The following USP34 variants were observed in gnomAD, a reference collection of about 807,000 sequenced individuals.
USP34 encodes ubiquitin specific peptidase 34.
A neutral mutation model predicts 460.3 loss-of-function variants in USP34; 70 were observed. The ratio of observed to expected loss-of-function variants is 0.15; its 90% confidence interval spans 0.13 to 0.19. The LOEUF (loss-of-function observed/expected upper bound fraction) is 0.19, where lower values mean the gene tolerates loss of function less well. Ranked by LOEUF, USP34 falls within the 10% of genes least tolerant of loss-of-function variation. The probability of loss-of-function intolerance (pLI) is 1.00; values close to 1 mark genes in which losing one functional copy is unlikely to be tolerated. For missense variants in USP34, 3,985 were observed against 4,236.2 expected (o/e 0.94, Z 1.65); for synonymous variants, 1,647 against 1,405.3 (o/e 1.17, Z -3.85).
intron 10 of USP34, among the ~76,000 whole-genome samples, chr2:61,362,330 T>C: frequency 6.6e-6 from 1 of 152,116 alleles, no homozygotes; most frequent in East Asian, 1.9e-4. Flanking sequence ...GGAAATGAAA[T>C]CACTATCTCA....
At chr2:61,358,630 G>A (rs1222553199) in intron 10 of USP34, among the ~76,000 whole-genome samples, 1 of 152,060 alleles carries the variant, frequency 6.6e-6, no homozygotes, top group Non-Finnish European at 1.5e-5. Flanking sequence ...AGAGCTACTA[G>A]ACAAAAATAT....
At chr2:61,222,062 A>G (rs1482825374) in intron 65 of USP34, among the ~76,000 whole-genome samples, 1 of 152,196 alleles carries the variant, frequency 6.6e-6, no homozygotes, top group Non-Finnish European at 1.5e-5. Flanking sequence ...GATCTCTGGA[A>G]CTTATTCATG....
intron 16 of USP34, among the ~76,000 whole-genome samples, chr2:61,341,456 G>A (rs190079072): frequency 2.0e-3 from 306 of 152,260 alleles, no homozygotes; most frequent in Non-Finnish European, 2.9e-3. Context: ...AGTAGAAGGC[G>A]TTTGGGTCAA....
At chr2:61,460,236 A>G (rs1180405447) in intron 1 of USP34, among the ~76,000 whole-genome samples, 1 of 152,216 alleles carries the variant, frequency 6.6e-6, no homozygotes, top group Non-Finnish European at 1.5e-5. Context: ...AAATTCCAGA[A>G]ATAAACAATT....
chr2:61,297,720 T>C (rs1690071200), intron 29 of USP34, among the ~76,000 whole-genome samples: 1 of 152,156 alleles, frequency 6.6e-6, no homozygotes, highest in African/African-American at 2.4e-5. Context: ...GGCAGAAACA[T>C]GGTGCACTTT....
At chr2:61,288,143 T>C (rs937779616) in intron 34 of USP34, among the ~76,000 whole-genome samples, 4 of 152,214 alleles carry the variant, frequency 2.6e-5, no homozygotes, top group Admixed American at 2.0e-4. Flanking sequence ...GATAATCTTA[T>C]AGCAGATGAG....
intron 7 of USP34, among the ~76,000 whole-genome samples, chr2:61,379,598 G>C (rs538029626): frequency 7.9e-5 from 12 of 152,288 alleles, no homozygotes; most frequent in Non-Finnish European, 7.4e-5. Context: ...ACCGGAGAAA[G>C]CATATTCATT....
chr2:61,284,775 C>T (rs1407331348), intron 35 of USP34, 100 bp downstream of exon 35: 2 of 911,692 alleles, frequency 2.2e-6, no homozygotes, highest in Non-Finnish European at 3.2e-6. Flanking sequence ...ATAATATCCC[C>T]CAAATTTTTC....
chr2:61,307,874 C>T (rs1207777874), intron 27 of USP34, among the ~76,000 whole-genome samples: 1 of 151,986 alleles, frequency 6.6e-6, no homozygotes, highest in African/African-American at 2.4e-5. Context: ...CATGGCAAAA[C>T]CCTGTCTCTA....
At chr2:61,308,942 T>C (rs1181111532) in intron 27 of USP34, among the ~76,000 whole-genome samples, 1 of 152,078 alleles carries the variant, frequency 6.6e-6, no homozygotes, top group African/African-American at 2.4e-5. Flanking sequence ...CTCAGGAGGC[T>C]GAGGTGGGAG....
intron 43 of USP34, 131 bp downstream of exon 43, chr2:61,265,266 T>C: frequency 2.1e-6 from 2 of 941,752 alleles, no homozygotes; most frequent in Non-Finnish European, 3.2e-6. Flanking sequence ...CATTAGCTAG[T>C]TACTGTAATC....
intron 23 of USP34, among the ~76,000 whole-genome samples, 166 bp from the exon 24 acceptor site, chr2:61,315,140 A>G (rs188685324): frequency 1.4e-4 from 21 of 152,338 alleles, no homozygotes; most frequent in Non-Finnish European, 2.6e-4. Flanking sequence ...ATACACCTGT[A>G]CTAGTTCTAA....
rs758994317 is a variant in USP34 at position 61,319,251 on chromosome 2, A to C, written c.3090T>G (p.His1030Gln). Residue 1030 changes from histidine to glutamine, a missense_variant, in exon 22 of 80, where the codon CAT becomes CAG. Physicochemically the swap from His to Gln is conservative, Grantham distance 24 (BLOSUM62 0). Around this residue, in one of 14 missense-constraint regions of USP34, gnomAD observed 1,114 missense variants for 1,122.5 expected, o/e 0.99. Coordinates refer to ENST00000398571, the MANE Select transcript of USP34 (RefSeq NM_014709.4). Reference sequence around the variant, plus strand: ...TACTTCGAACTTGATTTAAAAACCAATGGAGTGCATCATCATAACATTCAG... The same window carrying C: ...TACTTCGAACTTGATTTAAAAACCACTGGAGTGCATCATCATAACATTCAG... Reference protein sequence around the residue: ...EDSECYDDALHWFLNQVRSKD... With the variant: ...EDSECYDDALQWFLNQVRSKD... The C allele has an allele frequency of 6.3e-7, 1 of 1,594,534 alleles. No homozygotes were observed. The highest frequency in any genetic ancestry group is 1.8e-5 in the Admixed American group (1 of 55,094).
At position 61,445,222 on chromosome 2, in the gene USP34, TA is replaced by T. The variant is rs57854651; in HGVS notation, c.44-24390del. ...AAAACTGTCAACAGCAGAACCACAC[TA>T]AAAAAAAAAAAAAAAAAAAAAAAAA... On this transcript the variant is annotated intron_variant, in intron 1 of 79. Transcript: ENST00000398571. Among the ~76,000 whole-genome samples, 126 of 40,648 alleles carry T rather than the reference TA, an allele frequency of 3.1e-3. 1 individual carries two copies. Among genetic ancestry groups the T allele is most frequent in the East Asian group, 0.027 (34 of 1,276 alleles). 26.7% of individuals were successfully genotyped at this position (40,648 alleles called of 152,430 possible).
chr2:61,257,196 A>C lies in USP34; in HGVS notation c.5991+8T>G. The stretch of plus-strand genomic sequence containing the variant: ...TTCAAAGAAACTTTTCAGTATTCTG[A>C]TACTAACCAGTTCGGGAGACATTTC... On this transcript the variant is annotated splice_region_variant and intron_variant, in intron 45 of 79. Transcript: ENST00000398571. 1.9e-6 allele frequency: 3 copies of C among 1,603,600 alleles called. No individual in the cohort carries two copies. Among genetic ancestry groups the C allele is most frequent in the Non-Finnish European group, 2.6e-6 (3 of 1,176,414 alleles).
chr2:61,468,373 G>C (rs1185230870), intron 1 of USP34, among the ~76,000 whole-genome samples: 2 of 152,102 alleles, frequency 1.3e-5, no homozygotes, highest in Non-Finnish European at 2.9e-5. Flanking sequence ...AGTAGAGACG[G>C]GGTTTCTCCA....
At chr2:61,256,574 A>C in intron 47 of USP34, 96 bp from the exon 48 acceptor site, 1 of 839,206 alleles carries the variant, frequency 1.2e-6, no homozygotes, top group East Asian at 3.3e-5. Context: ...AATGCTCAGC[A>C]AAAAAATTTT....
At chr2:61,465,205 T>TGG (rs1695725572) in intron 1 of USP34, among the ~76,000 whole-genome samples, 1 of 147,660 alleles carries the variant, frequency 6.8e-6, no homozygotes, top group South Asian at 2.3e-4. Context: ...GTGGGTGTGG[T>TGG]GGGGCAAGGG....
intron 23 of USP34, among the ~76,000 whole-genome samples, chr2:61,316,164 C>A (rs1690739433): frequency 6.6e-6 from 1 of 151,982 alleles, no homozygotes; most frequent in Non-Finnish European, 1.5e-5. Flanking sequence ...CAAGATTGTG[C>A]CACTGCACTC....
Sources: gnomAD v4.1 joint callset for allele counts (sites outside exome capture counted in the v4.1 genomes callset) on GRCh38, gnomAD v4.1.1 for gene constraint, gnomAD v4.1.1 regional missense constraint, MANE v1.5 for transcripts, NCBI Gene and HGNC (gene_info 2026-07-23, HGNC 2026-07-21) for gene names.